The following MOK variants were observed in gnomAD, a reference collection of about 807,000 sequenced individuals.
The protein encoded by MOK is MOK protein kinase.
MOK carries 59 observed loss-of-function variants against 54.2 expected under a neutral mutation model. The ratio of observed to expected loss-of-function variants is 1.09; its 90% CI spans 0.88 to 1.35. The LOEUF is 1.35. Among genes scored for constraint, MOK ranks in the 40% most tolerant of loss-of-function variants. The pLI, the probability that MOK is intolerant of heterozygous loss-of-function variation, is 0.00. For missense variants in MOK, 517 were observed against 526.2 expected (o/e 0.98, Z 0.17); for synonymous variants, 210 against 202.7 (o/e 1.04, Z -0.31).
At chr14:102,241,529 T>C (rs1261047850) in intron 7 of MOK, among the ~76,000 whole-genome samples, 1 of 152,202 alleles carries the variant, frequency 6.6e-6, no homozygotes, top group Non-Finnish European at 1.5e-5. Flanking sequence ...TCATCAAATA[T>C]AAAAACTCAA....
intron 4 of MOK, among the ~76,000 whole-genome samples, chr14:102,258,382 A>G (rs1171040514): frequency 2.0e-5 from 3 of 151,880 alleles, no homozygotes; most frequent in Admixed American, 6.6e-5. Flanking sequence ...GAAGTACTCT[A>G]TCCTCATCAC....
chr14:102,258,186 T>C (rs1365550152), intron 4 of MOK, among the ~76,000 whole-genome samples: 2 of 152,206 alleles, frequency 1.3e-5, no homozygotes, highest in Non-Finnish European at 2.9e-5. Flanking sequence ...CACCTCTCCC[T>C]TGCTTTAAAG....
At chr14:102,280,808 C>T (rs776553188) in intron 2 of MOK, 1 of 152,220 alleles carries the variant, frequency 6.6e-6, no homozygotes, top group Non-Finnish European at 1.5e-5. Flanking sequence ...TACGTAACCA[C>T]ACAATCTTCC....
In MOK at chr14:102,229,314, G is replaced by C; in HGVS notation, c.1235C>G (p.Thr412Ser). The C allele has an allele frequency of 6.2e-7, 1 of 1,612,220 alleles. No homozygotes were observed. The change falls in exon 12 of 12, where the codon ACC (threonine) becomes AGC (serine). Residue 412 changes from threonine (T) to serine (S), a missense_variant. Physicochemically the swap from Thr to Ser is moderately conservative, Grantham distance 58. Coordinates refer to ENST00000361847, the MANE Select transcript of MOK (RefSeq NM_014226.3). Reference sequence around the variant, plus strand: ...TTATCTTCCGCCTTTCCGCACTATGGTGGGCAGGCGACACTGCTGCGGGGC... The same window carrying C: ...TTATCTTCCGCCTTTCCGCACTATGCTGGGCAGGCGACACTGCTGCGGGGC... ...KPAPQQCRLP[T>S]IVRKGGR
At chr14:102,294,402 C>A (rs1300409207) in intron 1 of MOK, among the ~76,000 whole-genome samples, 1 of 149,756 alleles carries the variant, frequency 6.7e-6, no homozygotes, top group Non-Finnish European at 1.5e-5. Context: ...GCCGAGATAG[C>A]GCCACTGCAC....
At chr14:102,283,093 A>T (rs1181110229) in intron 2 of MOK, 1 of 154,194 alleles carries the variant, frequency 6.5e-6, no homozygotes, top group Non-Finnish European at 1.4e-5. Context: ...CATAAAATCA[A>T]ATGGATCATA....
At position 102,235,417 on chromosome 14, in the gene MOK, G is replaced by C. The variant is rs2065132843; in HGVS notation, c.591-1628C>G. ...TTCTACCCTCCTTCCGGAAGAAAAG[G>C]AAAGAGTGTGGCTTGCAGCCCAGGC... On this transcript the variant is annotated intron_variant, in intron 7 of 11. Transcript: ENST00000361847. This position sits in a 1 kb window ranked among gnomAD's most constrained non-coding sequence, Gnocchi z 4.4. 1 of 152,238 alleles carries C rather than the reference G, an allele frequency of 6.6e-6. No individual in the cohort carries two copies. Among genetic ancestry groups the C allele is most frequent in the Non-Finnish European group, 1.5e-5 (1 of 68,058 alleles). 9.4% of individuals were successfully genotyped at this position (152,238 alleles called of 1,614,324 possible). A position where few individuals can be genotyped will look rare whatever the true frequency, so the allele number is the denominator to read the frequency against.
intron 8 of MOK, chr14:102,233,238 C>G (rs1305317062): frequency 6.2e-6 from 1 of 161,218 alleles, no homozygotes; most frequent in African/African-American, 2.4e-5. Context: ...CAGGCCCTCC[C>G]TGGGAAGTCC....
At chr14:102,225,529 T>C (rs2153076073), downstream of MOK, 1 of 152,470 alleles carries the variant, frequency 6.6e-6, no homozygotes, top group Middle Eastern at 3.4e-3. Context: ...GGCCCCGAGA[T>C]GGCATCACTC....
chr14:102,243,163 T>G (rs765486119), intron 7 of MOK, among the ~76,000 whole-genome samples: 1 of 152,166 alleles, frequency 6.6e-6, no homozygotes, highest in Non-Finnish European at 1.5e-5. Context: ...CTGGGCATGG[T>G]TAAATACTTT....
chr14:102,224,813 A>T (rs114911398), downstream of MOK: 1 of 455,960 alleles, frequency 2.2e-6, no homozygotes, highest in East Asian at 6.9e-5. Context: ...AGAAATAATA[A>T]AAGACACTAA....
Position 102,267,303 on chromosome 14 carries a change from T to C in MOK, c.123-1391A>G, listed in dbSNP as rs548906846. On this transcript the variant is annotated intron_variant, in intron 2 of 11. Coordinates refer to ENST00000361847, the MANE Select transcript of MOK (RefSeq NM_014226.3). The stretch of plus-strand genomic sequence containing the variant: ...GGCTGAGGCCAGGCGTGGTCGCTCA[T>C]GCCTGTAATCCCAGCACTTTGGGAG... 7.2e-5 allele frequency among the ~76,000 whole-genome samples: 11 copies of C among 152,328 alleles called. No individual in the cohort carries two copies. In the South Asian group the frequency reaches 2.3e-3, roughly 32 times the overall value.
downstream of MOK, among the ~76,000 whole-genome samples, chr14:102,228,327 G>T (rs1410063510): frequency 6.6e-6 from 1 of 152,204 alleles, no homozygotes; most frequent in African/African-American, 2.4e-5. Context: ...TCGCCAGGCT[G>T]GTCACTGAGG....
chr14:102,250,358 G>A (rs929247404), intron 7 of MOK, among the ~76,000 whole-genome samples: 8 of 152,148 alleles, frequency 5.3e-5, no homozygotes, highest in African/African-American at 1.7e-4. Context: ...AGGCTGGGGG[G>A]GAGTGGGGGG....
At chr14:102,277,462 A>G (rs557318204) in intron 2 of MOK, 2 of 152,192 alleles carry the variant, frequency 1.3e-5, no homozygotes, top group South Asian at 4.1e-4. Flanking sequence ...TACTAAAAAT[A>G]TAACAATTAG....
rs539958853 is a variant in MOK at position 102,254,223 on chromosome 14, C to T, written c.284-2228G>A. ...CAGGCTGGTCTTGAACTCCTGACCTCGAGATCCGCCCGCCTCGGCCTCCCG... is the reference window on the plus strand; with the variant it reads ...CAGGCTGGTCTTGAACTCCTGACCTTGAGATCCGCCCGCCTCGGCCTCCCG... On this transcript the variant is annotated intron_variant, in intron 4 of 11. Coordinates refer to ENST00000361847, the MANE Select transcript of MOK (RefSeq NM_014226.3). 2.1e-4 allele frequency among the ~76,000 whole-genome samples: 32 copies of T among 152,232 alleles called. 1 individual carries two copies. Among genetic ancestry groups the T allele is most frequent in the South Asian group, 2.1e-3 (10 of 4,824 alleles).
intron 1 of MOK, among the ~76,000 whole-genome samples, chr14:102,303,682 C>G (rs1249403317): frequency 6.6e-6 from 1 of 152,120 alleles, no homozygotes; most frequent in East Asian, 1.9e-4. Flanking sequence ...GGAGAATGTC[C>G]TTGTTCTTGG....
chr14:102,229,912 G>C (rs964326057), intron 10 of MOK: 2 of 466,122 alleles, frequency 4.3e-6, no homozygotes, highest in Admixed American at 4.0e-5. Context: ...GGCGGCAAAG[G>C]GCTCGCGGGC....
chr14:102,228,742 A>G (rs2064363117), downstream of MOK: 1 of 151,918 alleles, frequency 6.6e-6, no homozygotes, highest in Non-Finnish European at 1.5e-5. Context: ...AAGTCTTCCC[A>G]ACAAAATCAA....
Sources: gnomAD v4.1 joint callset for allele counts (sites outside exome capture counted in the v4.1 genomes callset) on GRCh38, gnomAD v4.1.1 for gene constraint, Gnocchi (gnomAD v3.1) non-coding constraint, MANE v1.5 for transcripts, NCBI Gene and HGNC (gene_info 2026-07-23, HGNC 2026-07-21) for gene names.